Variants in ZBBX observed in about 807,000 individuals in gnomAD.
The protein encoded by ZBBX is zinc finger B-box domain containing, also known as zinc finger B-box domain-containing protein 1.
A neutral mutation model predicts 108.5 loss-of-function variants in ZBBX; 101 were observed. That is an observed-to-expected ratio of 0.93 (90% confidence interval 0.79 to 1.10). The LOEUF (loss-of-function observed/expected upper bound fraction) is 1.10. Ranked by LOEUF, ZBBX falls within the 50% of genes least tolerant of loss-of-function variation. The pLI is 0.00. For synonymous variants in ZBBX, 356 were observed against 323.4 expected, an observed-to-expected ratio of 1.10 and a Z score of -1.08; for missense variants, 1,009 against 941.4, an observed-to-expected ratio of 1.07 and a Z score of -0.94.
intron 9 of ZBBX, among the ~76,000 whole-genome samples, chr3:167,348,376 A>AAG (rs1560163904): frequency 7.7e-6 from 1 of 129,192 alleles, no homozygotes; most frequent in Non-Finnish European, 1.7e-5. Flanking sequence ...AAGAAAAAAA[A>AAG]GAAAAGAAAA....
chr3:167,315,069 A>G (rs555047715), intron 15 of ZBBX, among the ~76,000 whole-genome samples: 5 of 152,272 alleles, frequency 3.3e-5, no homozygotes, highest in African/African-American at 9.6e-5. Flanking sequence ...CTATTGCAAA[A>G]TGTGGACGGG....
chr3:167,368,162 T>C (rs1745625787), intron 5 of ZBBX, among the ~76,000 whole-genome samples: 1 of 151,324 alleles, frequency 6.6e-6, no homozygotes, highest in East Asian at 1.9e-4. Context: ...ACTGCTGTCA[T>C]AAACATTCCA....
chr3:167,221,758 C>T, the ZBBX span, among the ~76,000 whole-genome samples: 32 of 151,546 alleles, frequency 2.1e-4, no homozygotes, highest in East Asian at 5.8e-4. Flanking sequence ...GCAAAAGATC[C>T]GAATAGACAT....
rs76073720 is a variant in ZBBX at position 167,342,167 on chromosome 3, T to C, written c.529-8182A>G. Among the ~76,000 whole-genome samples, 14 of 151,954 alleles carry C rather than the reference T, an allele frequency of 9.2e-5. No homozygotes were observed. The East Asian group carries it at 2.3e-3, about 25-fold the overall frequency. On this transcript the variant is annotated intron_variant, in intron 9 of 21. Transcript: ENST00000675490. ...TTGCTGTTATATGACAATTAGATAA[T>C]TGGTATCCCATAAAGACCAATGAAC...
At chr3:167,276,417 C>T (rs1440594083) in intron 20 of ZBBX, among the ~76,000 whole-genome samples, 1 of 152,110 alleles carries the variant, frequency 6.6e-6, no homozygotes, top group Non-Finnish European at 1.5e-5. Flanking sequence ...GAGCTGAAAA[C>T]CAAGGCTCGA....
At chr3:167,323,729 T>C (rs956848076) in intron 11 of ZBBX, among the ~76,000 whole-genome samples, 8 of 152,052 alleles carry the variant, frequency 5.3e-5, no homozygotes, top group Non-Finnish European at 8.8e-5. Context: ...TTTTCCTTAA[T>C]AGATAGTGCA....
chr3:167,260,805 T>G (rs906765881), intron 20 of ZBBX, among the ~76,000 whole-genome samples: 1 of 152,268 alleles, frequency 6.6e-6, no homozygotes, highest in African/African-American at 2.4e-5. Flanking sequence ...GCTTAATAAC[T>G]GATCCCCTGA....
the ZBBX span, among the ~76,000 whole-genome samples, chr3:167,192,302 A>G: frequency 6.6e-6 from 1 of 151,930 alleles, no homozygotes; most frequent in Non-Finnish European, 1.5e-5. Flanking sequence ...ATTTCTTGTA[A>G]GATATCTGGT....
chr3:167,400,979 C>CTT (rs1033176258), intron 1 of ZBBX, among the ~76,000 whole-genome samples: 1 of 152,124 alleles, frequency 6.6e-6, no homozygotes, highest in Non-Finnish European at 1.5e-5. Flanking sequence ...CCCAGCTTGA[C>CTT]TTTTCCCTTT....
intron 15 of ZBBX, among the ~76,000 whole-genome samples, chr3:167,314,786 C>T (rs1322664155): frequency 6.6e-6 from 1 of 152,116 alleles, no homozygotes; most frequent in Non-Finnish European, 1.5e-5. Context: ...ACTGCCAAAT[C>T]ATGATCAGTA....
At chr3:167,366,885 G>A (rs1745403925) in intron 5 of ZBBX, 1 of 455,906 alleles carries the variant, frequency 2.2e-6, no homozygotes. Flanking sequence ...TGGCCACTGG[G>A]TCATTAAAAG....
intron 20 of ZBBX, among the ~76,000 whole-genome samples, chr3:167,263,964 A>G (rs1725033643): frequency 6.6e-6 from 1 of 152,234 alleles, no homozygotes; most frequent in South Asian, 2.1e-4. Flanking sequence ...TTATCATTAT[A>G]TAATGACCTT....
chr3:167,256,982 T>C (rs1223842906), intron 20 of ZBBX, among the ~76,000 whole-genome samples: 1 of 152,180 alleles, frequency 6.6e-6, no homozygotes, highest in Non-Finnish European at 1.5e-5. Context: ...CTTTTGGGTA[T>C]ACACCCAGCA....
intron 19 of ZBBX, among the ~76,000 whole-genome samples, chr3:167,287,424 C>A (rs932957669): frequency 6.6e-6 from 1 of 152,100 alleles, no homozygotes. Flanking sequence ...ATCCAGAAAT[C>A]TGCATTGCAA....
chr3:167,187,099 C>T, the ZBBX span, among the ~76,000 whole-genome samples: 35 of 152,120 alleles, frequency 2.3e-4, no homozygotes, highest in Middle Eastern at 6.8e-3. Flanking sequence ...GGTTTGCTAC[C>T]GTAGACCCAA....
chr3:167,276,852 G>A (rs1460592835), intron 20 of ZBBX, among the ~76,000 whole-genome samples: 4 of 151,816 alleles, frequency 2.6e-5, no homozygotes, highest in Non-Finnish European at 2.9e-5. Flanking sequence ...GAGAAAGGTC[G>A]GGTTACCCTC....
In ZBBX at chr3:167,305,869, G is replaced by A. The variant is rs775030435; in HGVS notation, c.1499C>T (p.Thr500Ile). The stretch of plus-strand genomic sequence containing the variant: ...CTCCTTTAAATTTCTTTCAAAGGAG[G>A]TGCTTTCCTCAATTTTTTCAATGTC... ...SSDIEKIEES[T>I]SFERNLKEKN... The change falls in exon 17 of 22, where the codon ACC (threonine) becomes ATC (isoleucine). Residue 500 changes from threonine to isoleucine, a missense_variant. Coordinates refer to ENST00000675490, the MANE Select transcript of ZBBX (RefSeq NM_001199201.2). 4 of 1,608,734 alleles carry A rather than the reference G, an allele frequency of 2.5e-6. No individual in the cohort carries two copies. Among genetic ancestry groups the A allele is most frequent in the East Asian group, 2.2e-5 (1 of 44,716 alleles).
chr3:167,183,273 A>C, the ZBBX span, among the ~76,000 whole-genome samples: 2,031 of 152,236 alleles, frequency 0.013, 22 homozygotes, highest in South Asian at 0.026. Flanking sequence ...TTGTCCCACT[A>C]TTACCCTGAT....
At chr3:167,203,108 T>G in the ZBBX span, among the ~76,000 whole-genome samples, 1 of 151,986 alleles carries the variant, frequency 6.6e-6, no homozygotes, top group Non-Finnish European at 1.5e-5. Flanking sequence ...CTAGCTGACC[T>G]AAAAAAAATT....
Sources: allele counts gnomAD v4.1 joint callset (sites outside exome capture counted in the v4.1 genomes callset), GRCh38; gene constraint gnomAD v4.1.1; transcripts MANE v1.5; gene names NCBI Gene and HGNC (gene_info 2026-07-23, HGNC 2026-07-21).